Variants in IGBP1 observed in about 807,000 individuals in gnomAD.
IGBP1 encodes the protein immunoglobulin binding protein 1.
IGBP1 carries 2 observed loss-of-function variants against 25.9 expected under a neutral mutation model. The observed-to-expected ratio is 0.08, with a 90% confidence interval of 0.03 to 0.24. The LOEUF is 0.24. Ranked by LOEUF, IGBP1 falls within the 10% of genes least tolerant of loss-of-function variation. The pLI is 1.00. For synonymous variants in IGBP1, 96 were observed against 93.4 expected (o/e 1.03, Z -0.16); for missense variants, 187 against 260.4 (o/e 0.72, Z 1.94).
At position 70,133,538 on chromosome X, in the gene IGBP1, G is replaced by A. The variant is rs762489121; in HGVS notation, c.-228G>A. Reference sequence around the variant, plus strand: ...CTCCTCAACCTAGGGAGCTACTCGCGAGGTAAGGGGCGCGCCAGACTGGCT... The same window carrying A: ...CTCCTCAACCTAGGGAGCTACTCGCAAGGTAAGGGGCGCGCCAGACTGGCT... On this transcript the variant is annotated splice_region_variant and 5_prime_UTR_variant, in exon 1 of 7. Coordinates refer to ENST00000356413, the MANE Select transcript of IGBP1 (RefSeq NM_001551.3). The A allele has an allele frequency of 2.9e-6, 1 of 347,257 alleles. No homozygotes were observed. Among genetic ancestry groups the A allele is most frequent in the East Asian group, 4.5e-5 (1 of 22,464 alleles). The allele number at this position is 347,257 out of a possible 1,213,427, so 28.6% of individuals were successfully genotyped here. A position where few individuals can be genotyped will look rare whatever the true frequency, so the allele number is the denominator to read the frequency against.
At chrX:70,151,563 A>G (rs1488558218) in intron 6 of IGBP1, among the ~76,000 whole-genome samples, 1 of 111,513 alleles carries the variant, frequency 9.0e-6, no homozygotes, top group Non-Finnish European at 1.9e-5. Context: ...ATAGGTGAAA[A>G]CAAAAAGAAA....
intron 6 of IGBP1, among the ~76,000 whole-genome samples, chrX:70,154,158 C>T (rs1291696685): frequency 9.4e-6 from 1 of 106,447 alleles, no homozygotes; most frequent in Non-Finnish European, 1.9e-5. Context: ...CCCGGGTTCA[C>T]GCCATTCACG....
Position 70,136,989 on chromosome X carries a change from G to A in IGBP1, c.482+2173G>A, listed in dbSNP as rs191400601. Among the ~76,000 whole-genome samples, 11 of 111,617 alleles carry A rather than the reference G, an allele frequency of 9.9e-5. No individual in the cohort carries two copies. The East Asian group carries it at 2.2e-3, about 23-fold the overall frequency. ...CCCAAAGTGCTGGGATTACAGGTGT[G>A]AGCCGCTGTGCCCTGGCTGTTTCTT... On this transcript the variant is annotated intron_variant, in intron 3 of 6. Coordinates refer to ENST00000356413, the MANE Select transcript of IGBP1 (RefSeq NM_001551.3).
intron 6 of IGBP1, among the ~76,000 whole-genome samples, chrX:70,152,241 T>C (rs935308423): frequency 9.0e-6 from 1 of 111,509 alleles, no homozygotes; most frequent in Non-Finnish European, 1.9e-5. Context: ...TGACTATGCA[T>C]GCACAGAATG....
chrX:70,135,889 GT>G (rs764608427), intron 3 of IGBP1, among the ~76,000 whole-genome samples: 7 of 111,920 alleles, frequency 6.3e-5, no homozygotes, highest in Non-Finnish European at 1.3e-4. Context: ...CTCGACGACT[GT>G]GATTAATCAC....
chrX:70,142,918 T>G (rs1357350778), intron 3 of IGBP1, among the ~76,000 whole-genome samples: 11 of 14,885 alleles, frequency 7.4e-4, no homozygotes, highest in African/African-American at 1.3e-3. Context: ...ATCGAGTTGT[T>G]TTTTTTTTTT....
intron 3 of IGBP1, among the ~76,000 whole-genome samples, chrX:70,139,055 G>A (rs2085114125): frequency 9.0e-6 from 1 of 111,727 alleles, no homozygotes; most frequent in Non-Finnish European, 1.9e-5. Context: ...GGCCGGGTGC[G>A]GTGGCTCACT....
chrX:70,154,705 C>T (rs1394764157), intron 6 of IGBP1, among the ~76,000 whole-genome samples: 1 of 9,159 alleles, frequency 1.1e-4, no homozygotes, highest in African/African-American at 3.0e-4. Context: ...ATGGTAAGAC[C>T]CCTCTCCACA....
chrX:70,155,669 A>G (rs2085235803), intron 6 of IGBP1, among the ~76,000 whole-genome samples: 1 of 111,058 alleles, frequency 9.0e-6, no homozygotes. Context: ...TATGATGCAG[A>G]TATTCCAAAA....
At chrX:70,141,899 A>C (rs1298608619) in intron 3 of IGBP1, among the ~76,000 whole-genome samples, 1 of 109,347 alleles carries the variant, frequency 9.1e-6, no homozygotes, top group East Asian at 2.9e-4. Flanking sequence ...TCTTATCCCC[A>C]TTTTAGAGAT....
intron 3 of IGBP1, among the ~76,000 whole-genome samples, chrX:70,139,999 T>C (rs2085120296): frequency 8.9e-6 from 1 of 112,709 alleles, no homozygotes; most frequent in Admixed American, 9.4e-5. Flanking sequence ...CATGGAATGC[T>C]CGTCATATGG....
intron 3 of IGBP1, among the ~76,000 whole-genome samples, chrX:70,142,725 G>A (rs2147572705): frequency 9.1e-6 from 1 of 109,299 alleles, no homozygotes; most frequent in African/African-American, 3.3e-5. Context: ...AGGCTGAGGT[G>A]AGAGGATCAC....
intron 5 of IGBP1, chrX:70,149,668 AAAG>A: frequency 8.2e-6 from 1 of 122,134 alleles, no homozygotes; most frequent in Non-Finnish European, 1.7e-5. Flanking sequence ...AAAAAAAAAA[AAAG>A]CACACATGTA....
intron 3 of IGBP1, among the ~76,000 whole-genome samples, chrX:70,135,457 A>T (rs1043920802): frequency 9.0e-6 from 1 of 111,472 alleles, no homozygotes; most frequent in African/African-American, 3.3e-5. Flanking sequence ...ACAGAATATC[A>T]ATATAAACTG....
In IGBP1 at chrX:70,163,044, T is replaced by TTA. The variant is rs760820149; in HGVS notation, c.872-2777_872-2776dup. Among the ~76,000 whole-genome samples the TTA allele has an allele frequency of 1.1e-4, 12 of 109,996 alleles. No homozygotes were observed. In the South Asian group the frequency reaches 1.6e-3, roughly 14 times the overall value. Reference sequence around the variant, plus strand: ...TATGTTTAAATCTCTAAGTTCATAATTATATATATATATTTTTATTTTTTT... The same window carrying TTA: ...TATGTTTAAATCTCTAAGTTCATAATTATATATATATATATTTTTATTTTTTT... On this transcript the variant is annotated intron_variant, in intron 6 of 6. Coordinates refer to ENST00000356413, the MANE Select transcript of IGBP1 (RefSeq NM_001551.3).
intron 3 of IGBP1, among the ~76,000 whole-genome samples, chrX:70,143,500 T>G (rs2085145205): frequency 8.9e-6 from 1 of 112,176 alleles, no homozygotes; most frequent in Non-Finnish European, 1.9e-5. Context: ...GTTGACCCAT[T>G]TGATACAAGT....
intron 6 of IGBP1, among the ~76,000 whole-genome samples, chrX:70,163,108 A>G (rs756554201): frequency 9.0e-6 from 1 of 111,202 alleles, no homozygotes; most frequent in African/African-American, 3.3e-5. Flanking sequence ...GCCAGGCTCA[A>G]GCAATCCTCC....
chrX:70,143,262 G>A (rs1246922032), intron 3 of IGBP1, among the ~76,000 whole-genome samples: 1 of 110,504 alleles, frequency 9.0e-6, no homozygotes, highest in Non-Finnish European at 1.9e-5. Flanking sequence ...TCGAACTCCC[G>A]ACCTCAGGCA....
chrX:70,142,289 C>A (rs939103061), intron 3 of IGBP1, among the ~76,000 whole-genome samples: 1 of 111,212 alleles, frequency 9.0e-6, no homozygotes, highest in Non-Finnish European at 1.9e-5. Flanking sequence ...TGTGATCACA[C>A]CACTGTACTC....
Sources: allele counts gnomAD v4.1 joint callset (sites outside exome capture counted in the v4.1 genomes callset), GRCh38; gene constraint gnomAD v4.1.1; transcripts MANE v1.5; gene names NCBI Gene and HGNC (gene_info 2026-07-23, HGNC 2026-07-21).